The following RAVER2 variants were observed in gnomAD, a reference collection of about 807,000 sequenced individuals.
The protein encoded by RAVER2 is ribonucleoprotein, PTB binding 2, also known as ribonucleoprotein PTB-binding 2.
In RAVER2, 46 loss-of-function variants were observed where a neutral mutation model predicts 78.1. That is an observed-to-expected ratio of 0.59 (90% CI 0.46 to 0.75). The LOEUF is 0.75. Among genes scored for constraint, RAVER2 ranks in the 30% least tolerant of loss-of-function variants. The pLI is 0.00. For synonymous variants in RAVER2, 311 were observed against 313.3 expected, an observed-to-expected ratio of 0.99 and a Z score of 0.08; for missense variants, 793 against 837.5, an observed-to-expected ratio of 0.95 and a Z score of 0.66.
chr1:64,818,968 C>T (rs1048524115), intron 11 of RAVER2, among the ~76,000 whole-genome samples: 2 of 152,162 alleles, frequency 1.3e-5, no homozygotes, highest in African/African-American at 2.4e-5. Context: ...AACTCCTCTC[C>T]AGCACAGAGG....
At chr1:64,825,104 C>T (rs1653978132) in intron 11 of RAVER2, among the ~76,000 whole-genome samples, 1 of 151,858 alleles carries the variant, frequency 6.6e-6, no homozygotes. Context: ...ATATATCAGA[C>T]AGAGACATTT....
intron 3 of RAVER2, among the ~76,000 whole-genome samples, chr1:64,778,427 A>C (rs752418678): frequency 8.5e-5 from 13 of 152,306 alleles, no homozygotes; most frequent in Non-Finnish European, 1.3e-4. Context: ...CACTATGCCA[A>C]GTGTCAGAAA....
At chr1:64,760,845 G>A (rs916658041) in intron 1 of RAVER2, among the ~76,000 whole-genome samples, 1 of 152,174 alleles carries the variant, frequency 6.6e-6, no homozygotes, top group East Asian at 1.9e-4. Context: ...TTAGGAATGT[G>A]ATGGGAATGA....
intron 2 of RAVER2, among the ~76,000 whole-genome samples, chr1:64,770,636 A>G (rs928533820): frequency 6.6e-6 from 1 of 152,078 alleles, no homozygotes; most frequent in Non-Finnish European, 1.5e-5. Context: ...CCTAGAATTG[A>G]CACAGATGAA....
exon 12 of RAVER2, chr1:64,832,174 A>AT (rs1020023685): frequency 1.1e-4 from 4 of 35,220 alleles, no homozygotes; most frequent in Admixed American, 6.2e-4. Context: ...TAAATGCCCT[A>AT]TTATTTCCAC....
chr1:64,821,256 T>G (rs751073498), intron 11 of RAVER2, among the ~76,000 whole-genome samples: 1 of 152,212 alleles, frequency 6.6e-6, no homozygotes, highest in African/African-American at 2.4e-5. Context: ...ATGGGGTTGT[T>G]TTTTTCTTGT....
chr1:64,804,880 C>G lies in RAVER2; in HGVS notation c.1296+42C>G, dbSNP rs764934480. On this transcript the variant is annotated intron_variant, in intron 7 of 11. Transcript: ENST00000294428. ...TTTTTCTTTTAAAATCAGTTCATTT[C>G]TTTTCTAGAATCAGGCTGTGGATCA... 2.7e-6 allele frequency: 4 copies of G among 1,509,118 alleles called. No homozygotes were observed. In the East Asian group the frequency reaches 9.0e-5, roughly 34 times the overall value. The allele number at this position is 1,509,118 out of a possible 1,614,324, so 93.5% of individuals were successfully genotyped here. A position where few individuals can be genotyped will look rare whatever the true frequency, so the allele number is the denominator to read the frequency against.
At chr1:64,824,327 A>G (rs1430491650) in intron 11 of RAVER2, among the ~76,000 whole-genome samples, 1 of 152,214 alleles carries the variant, frequency 6.6e-6, no homozygotes, top group Non-Finnish European at 1.5e-5. Flanking sequence ...AAGACCTGGA[A>G]AATGAATGCT....
Position 64,811,011 on chromosome 1 carries a change from T to C in RAVER2, c.1681-1727T>C, listed in dbSNP as rs1570576388. Among the ~76,000 whole-genome samples the C allele has an allele frequency of 2.0e-5, 3 of 152,336 alleles. No individual in the cohort carries two copies. In the South Asian group the frequency reaches 6.2e-4, roughly 32 times the overall value. ...CATGAATGCATAAAATATATGTAGA[T>C]ATTAGTCTAGTTTGTAATTTACTAC... On this transcript the variant is annotated intron_variant, in intron 9 of 11. Coordinates refer to ENST00000294428, the Ensembl canonical transcript of RAVER2.
At chr1:64,761,110 A>G (rs1448563456) in intron 1 of RAVER2, among the ~76,000 whole-genome samples, 2 of 152,250 alleles carry the variant, frequency 1.3e-5, no homozygotes, top group African/African-American at 4.8e-5. Context: ...GGATAAAGTA[A>G]ATAATCAGTA....
chr1:64,803,403 T>C (rs1405610084), intron 6 of RAVER2, among the ~76,000 whole-genome samples: 1 of 152,142 alleles, frequency 6.6e-6, no homozygotes, highest in Non-Finnish European at 1.5e-5. Context: ...AAAGAAAATA[T>C]AAATGAACAG....
intron 1 of RAVER2, among the ~76,000 whole-genome samples, chr1:64,766,173 A>G (rs1652171224): frequency 6.6e-6 from 1 of 152,210 alleles, no homozygotes; most frequent in South Asian, 2.1e-4. Flanking sequence ...ATTTTTATTA[A>G]CTTAACTTGA....
chr1:64,750,339 T>C (rs1044918119), intron 1 of RAVER2, among the ~76,000 whole-genome samples: 7 of 151,206 alleles, frequency 4.6e-5, no homozygotes, highest in Non-Finnish European at 1.0e-4. Context: ...CAGAGCAAGA[T>C]TTCTCTGTCT....
At chr1:64,780,786 A>G (rs971427939) in intron 3 of RAVER2, among the ~76,000 whole-genome samples, 1 of 152,198 alleles carries the variant, frequency 6.6e-6, no homozygotes. Flanking sequence ...CAAGTTCTAC[A>G]TGGCAGGAGT....
chr1:64,800,633 T>G (rs947567814), intron 5 of RAVER2, among the ~76,000 whole-genome samples: 94 of 152,304 alleles, frequency 6.2e-4, no homozygotes, highest in African/African-American at 1.8e-3. Flanking sequence ...TTCTTTTCCG[T>G]GTACCAGTTT....
At chr1:64,782,944 T>C (rs1652673264) in intron 4 of RAVER2, among the ~76,000 whole-genome samples, 1 of 152,152 alleles carries the variant, frequency 6.6e-6, no homozygotes, top group South Asian at 2.1e-4. Flanking sequence ...TGTGTTCTCA[T>C]TGTTCAGTTC....
chr1:64,800,708 A>G (rs1316271273), intron 5 of RAVER2, among the ~76,000 whole-genome samples: 5 of 152,198 alleles, frequency 3.3e-5, no homozygotes, highest in Non-Finnish European at 7.3e-5. Context: ...GTCATCTTCC[A>G]TATATCCTCA....
At chr1:64,765,277 A>C (rs1451774547) in intron 1 of RAVER2, among the ~76,000 whole-genome samples, 1 of 152,218 alleles carries the variant, frequency 6.6e-6, no homozygotes, top group East Asian at 1.9e-4. Context: ...ACATGAATGC[A>C]AGGGGATAAG....
At chr1:64,765,633 G>C (rs1288232861) in intron 1 of RAVER2, among the ~76,000 whole-genome samples, 1 of 152,154 alleles carries the variant, frequency 6.6e-6, no homozygotes, top group Non-Finnish European at 1.5e-5. Flanking sequence ...TGGAGGAATG[G>C]GATAGTGAAG....
Sources: allele counts gnomAD v4.1 joint callset (sites outside exome capture counted in the v4.1 genomes callset), GRCh38; gene constraint gnomAD v4.1.1; transcripts MANE v1.5; gene names NCBI Gene and HGNC (gene_info 2026-07-23, HGNC 2026-07-21).